The following ADAMTS12 variants were observed in gnomAD, a reference collection of about 807,000 sequenced individuals.
ADAMTS12 encodes A disintegrin and metalloproteinase with thrombospondin motifs 12.
Under a neutral mutation model 167.8 loss-of-function variants are expected in ADAMTS12, and 118 were observed. The ratio of observed to expected loss-of-function variants is 0.70; its 90% confidence interval spans 0.61 to 0.82. The LOEUF (loss-of-function observed/expected upper bound fraction) is 0.82. ADAMTS12 is among the 40% of genes least tolerant of loss of function. The pLI, the probability that ADAMTS12 is intolerant of heterozygous loss-of-function variation, is 0.00. For synonymous variants in ADAMTS12, 704 were observed against 716.9 expected (o/e 0.98, Z 0.29); for missense variants, 1,916 against 1,998.8 (o/e 0.96, Z 0.79).
At chr5:33,736,123 T>C (rs1267815429) in intron 3 of ADAMTS12, among the ~76,000 whole-genome samples, 2 of 151,548 alleles carry the variant, frequency 1.3e-5, no homozygotes, top group Non-Finnish European at 2.9e-5. Flanking sequence ...GGTGCAACGG[T>C]GCGATCTCGG....
At chr5:33,871,015 T>C (rs939441279) in intron 2 of ADAMTS12, among the ~76,000 whole-genome samples, 10 of 152,062 alleles carry the variant, frequency 6.6e-5, no homozygotes, top group Non-Finnish European at 1.0e-4. Context: ...AATGAATTAA[T>C]ATGAAGATGA....
intron 1 of ADAMTS12, among the ~76,000 whole-genome samples, chr5:33,882,535 G>C (rs1301540993): frequency 6.6e-6 from 1 of 152,088 alleles, no homozygotes; most frequent in Admixed American, 6.5e-5. Context: ...ACCTAGGAGG[G>C]AATTTATCAT....
chr5:33,549,492 G>C, intron 20 of ADAMTS12, 109 bp from the exon 21 acceptor site: 1 of 1,339,578 alleles, frequency 7.5e-7, no homozygotes, highest in Non-Finnish European at 1.0e-6. Context: ...AGAGGGGTTA[G>C]GTCTAGTTCC....
intron 2 of ADAMTS12, among the ~76,000 whole-genome samples, chr5:33,805,119 T>A (rs1747171760): frequency 6.6e-6 from 1 of 152,132 alleles, no homozygotes; most frequent in Admixed American, 6.5e-5. Flanking sequence ...TAATTTAAAT[T>A]CTAAGATTGA....
At chr5:33,821,361 C>A (rs7719128) in intron 2 of ADAMTS12, among the ~76,000 whole-genome samples, 1 of 151,952 alleles carries the variant, frequency 6.6e-6, no homozygotes, top group Non-Finnish European at 1.5e-5. Flanking sequence ...TATGAAGATA[C>A]GCCAATTGTT....
At chr5:33,782,858 T>C (rs1397499488) in intron 2 of ADAMTS12, among the ~76,000 whole-genome samples, 1 of 152,082 alleles carries the variant, frequency 6.6e-6, no homozygotes, top group Non-Finnish European at 1.5e-5. Flanking sequence ...ATCTCTCTTT[T>C]AGTACTTCAT....
At chr5:33,638,936 A>G (rs1740318868) in intron 11 of ADAMTS12, among the ~76,000 whole-genome samples, 1 of 152,212 alleles carries the variant, frequency 6.6e-6, no homozygotes, top group African/African-American at 2.4e-5. Context: ...GAAGGTTCCC[A>G]GGCATGCCTT....
At chr5:33,593,172 G>A (rs1319390474) in intron 17 of ADAMTS12, among the ~76,000 whole-genome samples, 2 of 152,176 alleles carry the variant, frequency 1.3e-5, no homozygotes, top group Admixed American at 6.5e-5. Flanking sequence ...AGCTACCCAC[G>A]AGGCTGGGGC....
chr5:33,803,408 A>G (rs757032428), intron 2 of ADAMTS12, among the ~76,000 whole-genome samples: 23 of 152,188 alleles, frequency 1.5e-4, no homozygotes, highest in Non-Finnish European at 2.9e-4. Context: ...TGGTTATTCA[A>G]CTTCACTGTT....
At chr5:33,672,155 A>T (rs1741727743) in intron 5 of ADAMTS12, among the ~76,000 whole-genome samples, 1 of 151,062 alleles carries the variant, frequency 6.6e-6, no homozygotes, top group African/African-American at 2.4e-5. Flanking sequence ...ACACATCCAC[A>T]TACTCACATA....
intron 22 of ADAMTS12, among the ~76,000 whole-genome samples, chr5:33,543,126 A>T (rs421986): frequency 0.45 from 68,239 of 151,856 alleles, 17,049 homozygotes; most frequent in East Asian, 0.76. Flanking sequence ...GCAAGACTAA[A>T]AAAGAAGAAA....
At chr5:33,604,360 G>A (rs1738327320) in intron 16 of ADAMTS12, among the ~76,000 whole-genome samples, 1 of 152,240 alleles carries the variant, frequency 6.6e-6, no homozygotes, top group African/African-American at 2.4e-5. Context: ...AATTAGCTGG[G>A]TGTGGTGGCG....
intron 23 of ADAMTS12, 135 bp downstream of exon 23, chr5:33,534,697 AG>A (rs1216956965): frequency 5.4e-5 from 63 of 1,165,054 alleles, no homozygotes; most frequent in Non-Finnish European, 6.9e-5. Context: ...GTTTGTTCCC[AG>A]GGTTACTGGT....
intron 12 of ADAMTS12, among the ~76,000 whole-genome samples, chr5:33,632,586 TTGGGATTA>T (rs1561183431): frequency 6.6e-6 from 1 of 152,148 alleles, no homozygotes. Context: ...AAAGCGTGAC[TTGGGATTA>T]TTGTGTAGCT....
chr5:33,822,285 G>A (rs1442747696), intron 2 of ADAMTS12, among the ~76,000 whole-genome samples: 2 of 152,104 alleles, frequency 1.3e-5, no homozygotes, highest in Non-Finnish European at 2.9e-5. Flanking sequence ...ATTCACTTCT[G>A]AAAGCTCTCT....
intron 17 of ADAMTS12, among the ~76,000 whole-genome samples, chr5:33,590,746 G>C (rs1191466619): frequency 6.6e-6 from 1 of 152,332 alleles, no homozygotes; most frequent in East Asian, 1.9e-4. Context: ...AAAGTGCTGG[G>C]ATTACAGAGT....
At chr5:33,845,082 G>A (rs193082679) in intron 2 of ADAMTS12, among the ~76,000 whole-genome samples, 1 of 152,276 alleles carries the variant, frequency 6.6e-6, no homozygotes, top group Admixed American at 6.5e-5. Flanking sequence ...TTCCATACAT[G>A]TATATTAGTA....
At chr5:33,822,161 T>C (rs1266837588) in intron 2 of ADAMTS12, among the ~76,000 whole-genome samples, 1 of 152,230 alleles carries the variant, frequency 6.6e-6, no homozygotes, top group African/African-American at 2.4e-5. Context: ...TGAGAGATCC[T>C]ATTTCTCCCT....
At chr5:33,549,122 C>T in intron 21 of ADAMTS12, 85 bp downstream of exon 21, 1 of 1,500,788 alleles carries the variant, frequency 6.7e-7, no homozygotes, top group South Asian at 1.3e-5. Context: ...GTGGTCTTCC[C>T]TGATTTCTAC....
Sources: allele counts gnomAD v4.1 joint callset (sites outside exome capture counted in the v4.1 genomes callset), GRCh38; gene constraint gnomAD v4.1.1; transcripts MANE v1.5; gene names NCBI Gene and HGNC (gene_info 2026-07-23, HGNC 2026-07-21).